Variants in AUTS2 observed in about 807,000 individuals in gnomAD.
AUTS2 encodes activator of transcription and developmental regulator AUTS2.
In AUTS2, 17 loss-of-function variants were observed where a neutral mutation model predicts 112.4. The ratio of observed to expected loss-of-function variants is 0.15; its 90% CI spans 0.10 to 0.23. The LOEUF (loss-of-function observed/expected upper bound fraction) is 0.23, where lower values mean the gene tolerates loss of function less well. AUTS2 is among the 10% of genes least tolerant of loss of function. The pLI, the probability that AUTS2 is intolerant of heterozygous loss-of-function variation, is 1.00. For missense variants in AUTS2, 1,510 were observed against 1,701.6 expected (o/e 0.89, Z 1.98); for synonymous variants, 751 against 702.7 (o/e 1.07, Z -1.09).
chr7:70,544,883 T>G (rs1800707594), intron 5 of AUTS2, among the ~76,000 whole-genome samples: 1 of 152,108 alleles, frequency 6.6e-6, no homozygotes, highest in Non-Finnish European at 1.5e-5. Context: ...GTTCTGAAGA[T>G]TGTTTCCAGG....
At chr7:70,198,537 G>A (rs1424165797) in intron 4 of AUTS2, among the ~76,000 whole-genome samples, 1 of 134,684 alleles carries the variant, frequency 7.4e-6, no homozygotes, top group African/African-American at 2.8e-5. Flanking sequence ...AGAACTAAGT[G>A]AAGAATGCAG....
chr7:69,860,776 G>A (rs1275955090), intron 1 of AUTS2, among the ~76,000 whole-genome samples: 1 of 152,152 alleles, frequency 6.6e-6, no homozygotes, highest in Non-Finnish European at 1.5e-5. Flanking sequence ...GTCCCACAGG[G>A]TGTGTCCTTC....
At chr7:69,620,480 A>G (rs1402709955) in intron 1 of AUTS2, among the ~76,000 whole-genome samples, 1 of 152,184 alleles carries the variant, frequency 6.6e-6, no homozygotes, top group Non-Finnish European at 1.5e-5. Flanking sequence ...GAGGGAAAAA[A>G]ATTACTGGAA....
chr7:70,546,188 A>G (rs1800767740), intron 5 of AUTS2, among the ~76,000 whole-genome samples: 1 of 152,196 alleles, frequency 6.6e-6, no homozygotes, highest in African/African-American at 2.4e-5. Flanking sequence ...TCATGCCTGT[A>G]ATCCCAGCAC....
chr7:70,746,013 A>G (rs1304868544), intron 6 of AUTS2, among the ~76,000 whole-genome samples: 1 of 152,248 alleles, frequency 6.6e-6, no homozygotes, highest in East Asian at 1.9e-4. Flanking sequence ...TGGTTAAAGA[A>G]ATCAACGATT....
chr7:70,558,625 C>A (rs1801349692), intron 5 of AUTS2, among the ~76,000 whole-genome samples: 1 of 152,216 alleles, frequency 6.6e-6, no homozygotes, highest in Non-Finnish European at 1.5e-5. Flanking sequence ...AGGTGTAAGC[C>A]TCAGCTTTCT....
At chr7:70,774,293 C>T in intron 12 of AUTS2, 194 bp downstream of exon 12, 1 of 568,256 alleles carries the variant, frequency 1.8e-6, no homozygotes, top group Non-Finnish European at 3.1e-6. Context: ...GAGCATAGGA[C>T]ACAAAGAGAC....
At chr7:70,180,044 T>G (rs1387304376) in intron 4 of AUTS2, among the ~76,000 whole-genome samples, 1 of 152,204 alleles carries the variant, frequency 6.6e-6, no homozygotes, top group East Asian at 1.9e-4. Context: ...CTTTCTTTGC[T>G]TCTTCTGGTA....
chr7:69,899,444 C>T lies in AUTS2; in HGVS notation c.468C>T (p.Arg156=), dbSNP rs1476185564. The T allele has an allele frequency of 1.9e-6, 3 of 1,613,994 alleles. No homozygotes were observed. The highest frequency in any genetic ancestry group is 2.5e-6 in the Non-Finnish European group (3 of 1,179,874). ...ACAGCTCAGATCGAGAAAATGACCG[C>T]AATCTCTGCCAGCACCTTGGGAAGA... is the stretch of plus-strand genomic sequence containing the variant. The part of the protein sequence containing the change: ...HHYSSDREND[R]NLCQHLGKRK... The change falls in exon 2 of 19, where the codon CGC becomes CGT. Residue 156 remains arginine, a synonymous_variant. Transcript: ENST00000342771.
At chr7:70,374,108 T>C (rs1270073540) in intron 4 of AUTS2, among the ~76,000 whole-genome samples, 5 of 152,222 alleles carry the variant, frequency 3.3e-5, no homozygotes, top group Non-Finnish European at 5.9e-5. Flanking sequence ...CAGTATACAT[T>C]CTTGATCATT....
intron 5 of AUTS2, among the ~76,000 whole-genome samples, chr7:70,541,033 C>CGAA (rs891984670): frequency 6.6e-6 from 1 of 152,160 alleles, no homozygotes; most frequent in Non-Finnish European, 1.5e-5. Context: ...TGCTTTTTCC[C>CGAA]ACTGGTGCTA....
At chr7:70,154,145 AG>A (rs1807609760) in intron 4 of AUTS2, among the ~76,000 whole-genome samples, 4 of 152,236 alleles carry the variant, frequency 2.6e-5, no homozygotes, top group Admixed American at 2.0e-4. Context: ...GACAAAAGCA[AG>A]GTCTCTAAAT....
intron 1 of AUTS2, among the ~76,000 whole-genome samples, chr7:69,724,626 G>A (rs1786416099): frequency 6.6e-6 from 1 of 152,166 alleles, no homozygotes; most frequent in Non-Finnish European, 1.5e-5. Context: ...GTTTTGCTGA[G>A]CTGAATGAAA....
intron 1 of AUTS2, among the ~76,000 whole-genome samples, chr7:69,733,726 G>A (rs1028304870): frequency 2.6e-5 from 4 of 152,130 alleles, no homozygotes; most frequent in Non-Finnish European, 4.4e-5. Context: ...TAGTGTGGGG[G>A]TACTGTTCCT....
intron 4 of AUTS2, chr7:70,292,929 A>G (rs1187495643): frequency 6.6e-6 from 1 of 152,144 alleles, no homozygotes; most frequent in African/African-American, 2.4e-5. Context: ...CAGACACGTT[A>G]TCTTAGTTTT....
intron 4 of AUTS2, among the ~76,000 whole-genome samples, chr7:70,325,144 A>C (rs2129618277): frequency 6.6e-6 from 1 of 152,216 alleles, no homozygotes; most frequent in East Asian, 1.9e-4. Flanking sequence ...TCTTGTCCTC[A>C]CAGCTAGTCA....
intron 4 of AUTS2, among the ~76,000 whole-genome samples, chr7:70,159,298 A>G (rs1302056500): frequency 1.3e-5 from 2 of 152,204 alleles, no homozygotes; most frequent in African/African-American, 2.4e-5. Flanking sequence ...TTGTTAGATC[A>G]CTATTTGTGG....
intron 2 of AUTS2, among the ~76,000 whole-genome samples, chr7:69,919,908 T>G (rs1431548039): frequency 1.3e-5 from 2 of 152,166 alleles, no homozygotes; most frequent in East Asian, 3.8e-4. Context: ...AATGACTCAC[T>G]TTGGTAAAAT....
intron 4 of AUTS2, among the ~76,000 whole-genome samples, chr7:70,431,787 T>A (rs1462884440): frequency 6.6e-6 from 1 of 152,224 alleles, no homozygotes; most frequent in Non-Finnish European, 1.5e-5. Flanking sequence ...AGCAGTTCAC[T>A]TTTAATTCAT....
Sources: allele counts gnomAD v4.1 joint callset (sites outside exome capture counted in the v4.1 genomes callset), GRCh38; gene constraint gnomAD v4.1.1; transcripts MANE v1.5; gene names NCBI Gene and HGNC (gene_info 2026-07-23, HGNC 2026-07-21).